The following SCFD2 variants were observed in gnomAD, a reference collection of about 807,000 sequenced individuals.
The protein encoded by SCFD2 is sec1 family domain containing 2, also known as sec1 family domain-containing protein 2.
Under a neutral mutation model 58.9 loss-of-function variants are expected in SCFD2, and 54 were observed. That is an observed-to-expected ratio of 0.92 (90% CI 0.74 to 1.15). The LOEUF is 1.15. Ranked by LOEUF, SCFD2 falls within the 50% of genes most tolerant of loss-of-function variation. SCFD2 has a pLI of 0.00. For synonymous variants in SCFD2, 321 were observed against 335.9 expected, an observed-to-expected ratio of 0.96 and a Z score of 0.49; for missense variants, 805 against 836.6, an observed-to-expected ratio of 0.96 and a Z score of 0.47.
At chr4:52,976,905 AT>A (rs1313096476) in intron 5 of SCFD2, among the ~76,000 whole-genome samples, 4 of 152,128 alleles carry the variant, frequency 2.6e-5, no homozygotes, top group Non-Finnish European at 5.9e-5. Context: ...TAGGCAAGTT[AT>A]TTTACCTCTC....
At chr4:53,072,810 C>G (rs1723859704) in intron 5 of SCFD2, among the ~76,000 whole-genome samples, 1 of 105,598 alleles carries the variant, frequency 9.5e-6, no homozygotes, top group Admixed American at 9.0e-5. Context: ...CTTTCTTTCA[C>G]CTAGTAAACT....
intron 5 of SCFD2, among the ~76,000 whole-genome samples, chr4:53,018,593 G>A (rs1272070201): frequency 6.6e-6 from 1 of 152,108 alleles, no homozygotes; most frequent in Non-Finnish European, 1.5e-5. Flanking sequence ...ATGTCAGCAG[G>A]AAAACTCCAC....
chr4:52,878,364 C>T (rs1294038492), intron 8 of SCFD2, among the ~76,000 whole-genome samples: 1 of 152,154 alleles, frequency 6.6e-6, no homozygotes, highest in East Asian at 1.9e-4. Context: ...AATGTGTTTC[C>T]TCTCCATTCG....
intron 5 of SCFD2, among the ~76,000 whole-genome samples, chr4:52,939,202 A>AT (rs1720223646): frequency 2.0e-5 from 3 of 152,258 alleles, no homozygotes; most frequent in African/African-American, 7.2e-5. Context: ...AAGAAAATGA[A>AT]TAAAGAATCT....
At chr4:53,006,958 T>A (rs1721981913) in intron 5 of SCFD2, among the ~76,000 whole-genome samples, 1 of 152,124 alleles carries the variant, frequency 6.6e-6, no homozygotes. Flanking sequence ...CTTCCATTTT[T>A]TCAAGAGACA....
At chr4:53,215,127 G>T (rs748387596) in intron 4 of SCFD2, among the ~76,000 whole-genome samples, 1 of 152,032 alleles carries the variant, frequency 6.6e-6, no homozygotes, top group Admixed American at 6.6e-5. Context: ...GATTGACTTG[G>T]CAATGCAGGC....
At chr4:52,956,064 C>T (rs901558793) in intron 5 of SCFD2, 1 of 456,678 alleles carries the variant, frequency 2.2e-6, no homozygotes. Flanking sequence ...GGGGGTCCCA[C>T]TCTCCCTCCC....
At chr4:53,355,528 T>C (rs1298737039) in intron 1 of SCFD2, among the ~76,000 whole-genome samples, 2 of 152,312 alleles carry the variant, frequency 1.3e-5, no homozygotes, top group East Asian at 3.9e-4. Context: ...TTAGTAACAG[T>C]AGCTACCATA....
At chr4:52,907,372 C>T in intron 7 of SCFD2, 85 bp downstream of exon 7, 2 of 1,339,866 alleles carry the variant, frequency 1.5e-6, no homozygotes, top group Non-Finnish European at 1.1e-6. Flanking sequence ...ATGGTGCTGG[C>T]TAGGGTTAAC....
intron 6 of SCFD2, among the ~76,000 whole-genome samples, chr4:52,914,242 T>C (rs1577822968): frequency 2.0e-5 from 3 of 152,180 alleles, no homozygotes; most frequent in Admixed American, 6.5e-5. Context: ...CTATAAAAAT[T>C]TGATAGAAAG....
chr4:53,360,815 TC>T (rs1318923712), intron 1 of SCFD2, among the ~76,000 whole-genome samples: 2 of 152,250 alleles, frequency 1.3e-5, no homozygotes, highest in Non-Finnish European at 2.9e-5. Flanking sequence ...GGGTTCAATC[TC>T]ATTGCTTTAT....
rs374883976 is a variant in SCFD2 at position 53,222,998 on chromosome 4, C to T, written c.1311+50828G>A. 5.3e-5 allele frequency among the ~76,000 whole-genome samples: 8 copies of T among 152,198 alleles called. No homozygotes were observed. The East Asian group carries it at 1.4e-3, about 26-fold the overall frequency. ...ACGGACTGGTCACCAGATGTGGAAC[C>T]CATATGGCACACAAACACGAGAGCC... On this transcript the variant is annotated intron_variant, in intron 4 of 8. Transcript: ENST00000401642.
At chr4:53,047,644 C>T (rs1410909887) in intron 5 of SCFD2, among the ~76,000 whole-genome samples, 3 of 152,112 alleles carry the variant, frequency 2.0e-5, no homozygotes, top group East Asian at 1.9e-4. Flanking sequence ...CACCGTCTTA[C>T]GATTTTAAAA....
Position 53,365,922 on chromosome 4 carries a change from A to T in SCFD2, c.20T>A (p.Leu7Gln). 6.5e-7 allele frequency: 1 copy of T among 1,546,842 alleles called. No homozygotes were observed. The stretch of plus-strand genomic sequence containing the variant: ...CTCCCATCCTTGCTGGGTAAAGGAC[A>T]GTACGCCCGAGGCGCTCATGGTTGG... MSASGV[L>Q]SFTQQGWEQV... is the part of the protein sequence containing the mutation. The change falls in exon 1 of 9, where the codon CTG becomes CAG. Residue 7 changes from leucine (L) to glutamine (Q), a missense_variant. Physicochemically the swap from Leu to Gln is moderately radical, Grantham distance 113. Coordinates refer to ENST00000401642, the MANE Select transcript of SCFD2 (RefSeq NM_152540.4). This position sits in a 1 kb window ranked among gnomAD's most constrained non-coding sequence, Gnocchi z 4.3.
intron 5 of SCFD2, among the ~76,000 whole-genome samples, chr4:53,136,754 G>T (rs1725955315): frequency 6.6e-6 from 1 of 152,180 alleles, no homozygotes; most frequent in Admixed American, 6.5e-5. Context: ...CCAGAACCCA[G>T]ATCCACTTGA....
At chr4:52,971,217 C>A (rs1264999034) in intron 5 of SCFD2, among the ~76,000 whole-genome samples, 2 of 152,042 alleles carry the variant, frequency 1.3e-5, no homozygotes, top group Non-Finnish European at 2.9e-5. Context: ...TCAAACTACT[C>A]CGAGCAAAAG....
chr4:53,106,968 G>C (rs1285894130), intron 5 of SCFD2, among the ~76,000 whole-genome samples: 1 of 152,142 alleles, frequency 6.6e-6, no homozygotes, highest in Non-Finnish European at 1.5e-5. Flanking sequence ...GTTATGGGCA[G>C]CCAGAGAGAA....
intron 8 of SCFD2, among the ~76,000 whole-genome samples, chr4:52,885,184 C>T (rs1718705384): frequency 6.6e-6 from 1 of 152,190 alleles, no homozygotes; most frequent in Non-Finnish European, 1.5e-5. Flanking sequence ...CCTTCCCACA[C>T]TCCTCTGGCC....
At chr4:53,279,313 G>A (rs772842981) in intron 3 of SCFD2, among the ~76,000 whole-genome samples, 13 of 152,076 alleles carry the variant, frequency 8.5e-5, no homozygotes, top group African/African-American at 2.9e-4. Context: ...GTAGAGACAA[G>A]GTCTTGTTAT....
Sources: gnomAD v4.1 joint callset for allele counts (sites outside exome capture counted in the v4.1 genomes callset) on GRCh38, gnomAD v4.1.1 for gene constraint, Gnocchi (gnomAD v3.1) non-coding constraint, MANE v1.5 for transcripts, NCBI Gene and HGNC (gene_info 2026-07-23, HGNC 2026-07-21) for gene names.